Variants in CSTB observed in about 807,000 individuals in gnomAD.
CSTB encodes cystatin-B.
In CSTB, 8 loss-of-function variants were observed where a neutral mutation model predicts 7.6. The observed-to-expected ratio is 1.05, with a 90% confidence interval of 0.62 to 1.89. CSTB has a LOEUF of 1.89. Among genes scored for constraint, CSTB ranks in the 40% most tolerant of loss-of-function variants. The probability of loss-of-function intolerance (pLI) is 0.00; values close to 1 mark genes in which losing one functional copy is unlikely to be tolerated. For synonymous variants in CSTB, 56 were observed against 55.3 expected (o/e 1.01, Z -0.06); for missense variants, 124 against 126.4 (o/e 0.98, Z 0.09).
chr21:43,775,971 C>A (rs930859944), intron 1 of CSTB: 5 of 459,916 alleles, frequency 1.1e-5, no homozygotes, highest in Non-Finnish European at 1.9e-5. Flanking sequence ...TCCCACTCGC[C>A]CTTGCTGTAT....
chr21:43,774,369 A>G (rs2084000013), intron 2 of CSTB, 39 bp from the exon 3 acceptor site: 1 of 1,613,866 alleles, frequency 6.2e-7, no homozygotes, highest in African/African-American at 1.3e-5. Flanking sequence ...TCTGATCCCA[A>G]GTCACCTTGC....
chr21:43,775,235 A>G, intron 1 of CSTB: 1 of 247,242 alleles, frequency 4.0e-6, no homozygotes, highest in Non-Finnish European at 8.1e-6. Flanking sequence ...ACAAAAAAAA[A>G]AAACACAGGC....
chr21:43,776,193 G>A lies in CSTB; in HGVS notation c.66+11C>T. On this transcript the variant is annotated intron_variant, in intron 1 of 2. Transcript: ENST00000291568. ...GACTCCGGGCCGGCCCCGTCCCCGC[G>A]GCCCACCCACCTGGTCGGCGATGTG... 1.3e-6 allele frequency: 2 copies of A among 1,528,988 alleles called. No individual in the cohort carries two copies. The allele number at this position is 1,528,988 out of a possible 1,614,324, so 94.7% of individuals were successfully genotyped here.
In CSTB at chr21:43,774,679, C is replaced by A; in HGVS notation, c.147G>T (p.Ala49=). The A allele has an allele frequency of 6.2e-7, 1 of 1,614,102 alleles. No individual in the cohort carries two copies. The highest frequency in any genetic ancestry group is 8.5e-7 in the Non-Finnish European group (1 of 1,179,964). ...CTACCTTGATGAAGTAGTTTGTCCC[C>A]GCGACCACCTGGCTCTTGAATGACA... ...KAVSFKSQVV[A]GTNYFIKVHV... Residue 49 remains alanine, a synonymous_variant, in exon 2 of 3, where the codon GCG becomes GCT. Coordinates refer to ENST00000291568, the MANE Select transcript of CSTB (RefSeq NM_000100.4).
Position 43,774,249 on chromosome 21 carries a change from T to G in CSTB, c.250A>C (p.Asn84His), listed in dbSNP as rs760590053. ...TGCTTGGCTTTGTTGGTCTGGTAGT[T>G]AGATAAGGTCAAGGGCTTGTTTTCA... ...PHENKPLTLS[N>H]YQTNKAKHDE... Residue 84 changes from asparagine (N) to histidine (H), a missense_variant, in exon 3 of 3, where the codon AAC becomes CAC. Coordinates refer to ENST00000291568, the MANE Select transcript of CSTB (RefSeq NM_000100.4). 4 of 1,614,116 alleles carry G rather than the reference T, an allele frequency of 2.5e-6. No homozygotes were observed. The East Asian group carries it at 8.9e-5, about 36-fold the overall frequency.
At chr21:43,774,493 A>C in intron 2 of CSTB, 163 bp from the exon 3 acceptor site, 2 of 1,237,122 alleles carry the variant, frequency 1.6e-6, no homozygotes, top group Non-Finnish European at 2.3e-6. Context: ...GCTCCCCAGA[A>C]GCCCTAGTCC....
In CSTB at chr21:43,773,969, T is replaced by C. The variant is rs536022878; in HGVS notation, c.*233A>G. 7.0e-6 allele frequency: 4 copies of C among 573,648 alleles called. No homozygotes were observed. Among genetic ancestry groups the C allele is most frequent in the African/African-American group, 3.8e-5 (2 of 53,268 alleles). 35.5% of individuals were successfully genotyped at this position (573,648 alleles called of 1,614,324 possible). A position where few individuals can be genotyped will look rare whatever the true frequency, so the allele number is the denominator to read the frequency against. Reference sequence around the variant, plus strand: ...AATCTGTAAGGATTTTAAAAATATATCTATTTTGAAAATATTCTGAAAGTA... The same window carrying C: ...AATCTGTAAGGATTTTAAAAATATACCTATTTTGAAAATATTCTGAAAGTA... On this transcript the variant is annotated 3_prime_UTR_variant, in exon 3 of 3. Coordinates refer to ENST00000291568, the MANE Select transcript of CSTB (RefSeq NM_000100.4).
chr21:43,775,996 T>C (rs1387415675), intron 1 of CSTB: 6 of 478,786 alleles, frequency 1.3e-5, no homozygotes, highest in Non-Finnish European at 2.2e-5. Flanking sequence ...CGGAGCCCAA[T>C]GTCTCCCCAG....
rs1436155713 is a variant in CSTB at position 43,774,730 on chromosome 21, G to A, written c.96C>T (p.Asn32=). Residue 32 remains asparagine (N), a synonymous_variant, in exon 2 of 3, where the codon AAC becomes AAT. Coordinates refer to ENST00000291568, the MANE Select transcript of CSTB (RefSeq NM_000100.4). Reference sequence around the variant, plus strand: ...CGGCCTTAAACACAGGGAACTTCTTGTTTTCTTTCTCTTCAAGCTGGGACC... The same window carrying A: ...CGGCCTTAAACACAGGGAACTTCTTATTTTCTTTCTCTTCAAGCTGGGACC... ...QVRSQLEEKE[N]KKFPVFKAVS... is the part of the protein sequence containing the mutation. The A allele has an allele frequency of 5.0e-6, 8 of 1,614,010 alleles. No homozygotes were observed. The Admixed American group carries it at 1.0e-4, about 20-fold the overall frequency.
chr21:43,774,183 G>C lies in CSTB; in HGVS notation c.*19C>G. The C allele has an allele frequency of 6.2e-7, 1 of 1,614,186 alleles. No homozygotes were observed. Among genetic ancestry groups the C allele is most frequent in the Non-Finnish European group, 8.5e-7 (1 of 1,180,006 alleles). On this transcript the variant is annotated 3_prime_UTR_variant, in exon 3 of 3. Coordinates refer to ENST00000291568, the MANE Select transcript of CSTB (RefSeq NM_000100.4). The stretch of plus-strand genomic sequence containing the variant: ...ACTTTGTCAGTCTTCTGGCTGAAGG[G>C]CCTTGTCCAAAGTCAGGATCAGAAA...
At chr21:43,774,950 A>G (rs1482436975) in intron 1 of CSTB, 191 bp from the exon 2 acceptor site, 2 of 640,806 alleles carry the variant, frequency 3.1e-6, no homozygotes, top group African/African-American at 3.6e-5. Context: ...CCAGCTGGGT[A>G]CGGTGGCTCA....
chr21:43,776,029 C>G (rs2084008208), intron 1 of CSTB, 175 bp downstream of exon 1: 4 of 528,464 alleles, frequency 7.6e-6, no homozygotes, highest in Admixed American at 8.7e-5. Context: ...CGCGGCCCCC[C>G]GCTGCTCACT....
In CSTB at chr21:43,773,981, A is replaced by G. The variant is rs1442448154; in HGVS notation, c.*221T>C. On this transcript the variant is annotated 3_prime_UTR_variant, in exon 3 of 3. Coordinates refer to ENST00000291568, the MANE Select transcript of CSTB (RefSeq NM_000100.4). ...TTTTAAAAATATATCTATTTTGAAA[A>G]TATTCTGAAAGTAATTAAGATCACC... The G allele has an allele frequency of 1.7e-6, 1 of 601,496 alleles. No homozygotes were observed. Among genetic ancestry groups the G allele is most frequent in the Non-Finnish European group, 2.9e-6 (1 of 340,676 alleles). 37.3% of individuals were successfully genotyped at this position (601,496 alleles called of 1,614,324 possible).
intron 1 of CSTB, 73 bp downstream of exon 1, chr21:43,776,131 C>T: frequency 1.4e-6 from 2 of 1,403,828 alleles, no homozygotes; most frequent in East Asian, 2.7e-5. Flanking sequence ...GCTTCTTTCG[C>T]TCCAGGAGCC....
At chr21:43,775,226 CA>C (rs796529480) in intron 1 of CSTB, 1,256 of 222,788 alleles carry the variant, frequency 5.6e-3, no homozygotes, top group Non-Finnish European at 8.6e-3. Context: ...GTCTCAAAAA[CA>C]AAAAAAAAAA....
At chr21:43,774,545 CA>C in intron 2 of CSTB, 112 bp downstream of exon 2, 2 of 1,153,154 alleles carry the variant, frequency 1.7e-6, no homozygotes, top group Non-Finnish European at 2.6e-6. Context: ...ATGCTTATCT[CA>C]GGGGGCAGCC....
At position 43,774,274 on chromosome 21, in the gene CSTB, A is replaced by C. The variant is rs753974589; in HGVS notation, c.225T>G (p.His75Gln). 6.2e-7 allele frequency: 1 copy of C among 1,614,200 alleles called. No homozygotes were observed. The highest frequency in any genetic ancestry group is 8.5e-7 in the Non-Finnish European group (1 of 1,180,028). ...VHLRVFQSLP[H>Q]ENKPLTLSNY... is the part of the protein sequence containing the mutation. ...TAGATAAGGTCAAGGGCTTGTTTTCATGAGGGAGAGATTGGAACACTCGCA... is the reference window on the plus strand; with the variant it reads ...TAGATAAGGTCAAGGGCTTGTTTTCCTGAGGGAGAGATTGGAACACTCGCA... The change falls in exon 3 of 3, where the codon CAT becomes CAG. Residue 75 changes from histidine (H) to glutamine (Q), a missense_variant. Transcript: ENST00000291568.
At chr21:43,776,042 C>T in intron 1 of CSTB, 162 bp downstream of exon 1, 4 of 578,048 alleles carry the variant, frequency 6.9e-6, no homozygotes, top group Non-Finnish European at 1.1e-5. Context: ...TGCTCACTCG[C>T]GCGCAGCGCC....
At position 43,774,231 on chromosome 21, in the gene CSTB, C is replaced by G. The variant is rs761504637; in HGVS notation, c.268G>C (p.Ala90Pro). Residue 90 changes from alanine to proline, a missense_variant, in exon 3 of 3, where the codon GCC becomes CCC. Physicochemically the swap from Ala to Pro is conservative, Grantham distance 27. Coordinates refer to ENST00000291568, the MANE Select transcript of CSTB (RefSeq NM_000100.4). ...LTLSNYQTNK[A>P]KHDELTYF Reference sequence around the variant, plus strand: ...AAATAGGTCAGCTCATCATGCTTGGCTTTGTTGGTCTGGTAGTTAGATAAG... The same window carrying G: ...AAATAGGTCAGCTCATCATGCTTGGGTTTGTTGGTCTGGTAGTTAGATAAG... 3 of 1,614,076 alleles carry G rather than the reference C, an allele frequency of 1.9e-6. No individual in the cohort carries two copies. In the African/African-American group the frequency reaches 4.0e-5, roughly 22 times the overall value.
Sources: gnomAD v4.1 joint callset for allele counts on GRCh38, gnomAD v4.1.1 for gene constraint, MANE v1.5 for transcripts, NCBI Gene and HGNC (gene_info 2026-07-23, HGNC 2026-07-21) for gene names.